Variants in DYRK4 observed in about 807,000 individuals in gnomAD.
The protein encoded by DYRK4 is dual specificity tyrosine-phosphorylation-regulated kinase 4.
DYRK4 carries 64 observed loss-of-function variants against 68.3 expected under a neutral mutation model. The observed-to-expected ratio is 0.94, with a 90% CI of 0.77 to 1.15. The LOEUF (loss-of-function observed/expected upper bound fraction) is 1.15, where lower values mean the gene tolerates loss of function less well. Among genes scored for constraint, DYRK4 ranks in the 50% most tolerant of loss-of-function variants. The pLI is 0.00. For missense variants in DYRK4, 740 were observed against 764.7 expected (o/e 0.97, Z 0.38); for synonymous variants, 274 against 289.9 (o/e 0.95, Z 0.56).
chr12:4,587,145 C>T (rs1006454599), intron 2 of DYRK4, among the ~76,000 whole-genome samples: 3 of 152,170 alleles, frequency 2.0e-5, no homozygotes, highest in South Asian at 2.1e-4. Context: ...CTGTTGCCCA[C>T]GGGATAAAGA....
At chr12:4,605,637 A>G (rs1211569002) in intron 11 of DYRK4, among the ~76,000 whole-genome samples, 1 of 151,956 alleles carries the variant, frequency 6.6e-6, no homozygotes, top group Non-Finnish European at 1.5e-5. Context: ...TTACCATTAA[A>G]ATATATCTGG....
At chr12:4,601,247 T>G (rs972725019) in intron 10 of DYRK4, among the ~76,000 whole-genome samples, 1 of 152,248 alleles carries the variant, frequency 6.6e-6, no homozygotes, top group Non-Finnish European at 1.5e-5. Flanking sequence ...CCATTCACTC[T>G]CACACACTGT....
intron 2 of DYRK4, among the ~76,000 whole-genome samples, chr12:4,586,744 A>G (rs76112241): frequency 6.6e-6 from 1 of 152,088 alleles, no homozygotes; most frequent in Admixed American, 6.5e-5. Context: ...ACACACACAC[A>G]CACCCCTTTG....
At chr12:4,596,402 T>C in intron 7 of DYRK4, 117 bp downstream of exon 7, 3 of 1,542,112 alleles carry the variant, frequency 1.9e-6, no homozygotes, top group Non-Finnish European at 2.6e-6. Context: ...TGTCTTCCCT[T>C]TTCTCTTTCT....
intron 11 of DYRK4, among the ~76,000 whole-genome samples, chr12:4,606,966 T>C (rs1945159425): frequency 1.3e-5 from 2 of 152,244 alleles, no homozygotes; most frequent in South Asian, 4.1e-4. Flanking sequence ...CTTCTCCCTT[T>C]CCAGTGCTCC....
intron 2 of DYRK4, among the ~76,000 whole-genome samples, chr12:4,580,377 G>C (rs1012395780): frequency 1.6e-4 from 25 of 152,180 alleles, no homozygotes; most frequent in Admixed American, 5.9e-4. Context: ...TTTGGAGGCG[G>C]CTCCTCCCCA....
chr12:4,594,513 T>C (rs1226667098), intron 6 of DYRK4, among the ~76,000 whole-genome samples: 1 of 152,162 alleles, frequency 6.6e-6, no homozygotes. Context: ...TGTGAGCCAC[T>C]GCGCCTGGCT....
At position 4,568,092 on chromosome 12, in the gene DYRK4, C is replaced by T. The variant is rs1363510353; in HGVS notation, c.132+44C>T. 5.3e-6 allele frequency: 8 copies of T among 1,501,718 alleles called. No individual in the cohort carries two copies. In the East Asian group the frequency reaches 1.2e-4, roughly 23 times the overall value. 93.0% of individuals were successfully genotyped at this position (1,501,718 alleles called of 1,614,324 possible). On this transcript the variant is annotated intron_variant, in intron 2 of 14. Transcript: ENST00000543431. The stretch of plus-strand genomic sequence containing the variant: ...TCACTGGGGAAGAGAGGTATCATTG[C>T]GAGGTCCTAGGGACTCAGGACCCAG...
chr12:4,603,977 C>G (rs1368995651), intron 10 of DYRK4, among the ~76,000 whole-genome samples: 1 of 152,212 alleles, frequency 6.6e-6, no homozygotes, highest in Non-Finnish European at 1.5e-5. Flanking sequence ...ACTGCCTACT[C>G]TCAAATCCCA....
intron 11 of DYRK4, among the ~76,000 whole-genome samples, chr12:4,605,728 G>GTTTTTTTTTTTTTTTTTTTT (rs780888385): frequency 1.5e-5 from 1 of 68,938 alleles, no homozygotes; most frequent in Non-Finnish European, 2.5e-5. Context: ...AATAGAGCTG[G>GTTTTTTTTTTTTTTTTTTTT]GTTTTTTTTT....
chr12:4,575,322 T>TGTGTGTGTGTGTGTGTGTGTGTG (rs71061193), intron 2 of DYRK4, among the ~76,000 whole-genome samples: 18 of 151,836 alleles, frequency 1.2e-4, no homozygotes, highest in African/African-American at 1.5e-4. Context: ...TGTGTGTGTG[T>TGTGTGTGTGTGTGTGTGTGTGTG]TTTCGAAACG....
At chr12:4,605,159 C>CT in intron 11 of DYRK4, 73 bp downstream of exon 11, 1 of 1,401,674 alleles carries the variant, frequency 7.1e-7, no homozygotes, top group Non-Finnish European at 9.9e-7. Context: ...CTGCACCAGA[C>CT]TCGCCCAGGA....
intron 12 of DYRK4, among the ~76,000 whole-genome samples, chr12:4,608,532 T>C (rs1359157165): frequency 6.6e-6 from 1 of 152,164 alleles, no homozygotes; most frequent in Non-Finnish European, 1.5e-5. Context: ...GTGGGGGTTA[T>C]AATTTGTCTA....
intron 1 of DYRK4, among the ~76,000 whole-genome samples, chr12:4,562,707 G>A (rs1396726182): frequency 6.6e-6 from 1 of 152,160 alleles, no homozygotes; most frequent in Non-Finnish European, 1.5e-5. Context: ...ACGACCACAC[G>A]CCTCGCGTGG....
intron 2 of DYRK4, among the ~76,000 whole-genome samples, chr12:4,587,367 G>T (rs1044777019): frequency 6.6e-6 from 1 of 152,176 alleles, no homozygotes; most frequent in African/African-American, 2.4e-5. Context: ...CTCCTGGGCC[G>T]ATTGCATTCA....
intron 2 of DYRK4, among the ~76,000 whole-genome samples, chr12:4,584,382 G>A (rs1944873613): frequency 6.6e-6 from 1 of 152,160 alleles, no homozygotes. Flanking sequence ...CAGGAGGCAG[G>A]TGTTGCCGGA....
chr12:4,582,042 C>T lies in DYRK4; in HGVS notation c.133-6895C>T, dbSNP rs148703742. Among the ~76,000 whole-genome samples the T allele has an allele frequency of 1.4e-4, 21 of 152,300 alleles. No homozygotes were observed. The East Asian group carries it at 1.9e-3, about 14-fold the overall frequency. Reference sequence around the variant, plus strand: ...TTGTGCATGAAACAAAGTTTGTGCACGTGAGTGGTGTCATTGTCGGCACTC... The same window carrying T: ...TTGTGCATGAAACAAAGTTTGTGCATGTGAGTGGTGTCATTGTCGGCACTC... On this transcript the variant is annotated intron_variant, in intron 2 of 14. Coordinates refer to ENST00000543431, the MANE Select transcript of DYRK4 (RefSeq NM_001394779.1).
At chr12:4,584,379 C>T (rs146545498) in intron 2 of DYRK4, among the ~76,000 whole-genome samples, 1 of 152,126 alleles carries the variant, frequency 6.6e-6, no homozygotes, top group Admixed American at 6.6e-5. Flanking sequence ...AAGCAGGAGG[C>T]AGGTGTTGCC....
At chr12:4,589,102 G>T (rs1944926480) in intron 3 of DYRK4, 85 bp downstream of exon 3, 2 of 1,266,934 alleles carry the variant, frequency 1.6e-6, no homozygotes, top group African/African-American at 1.5e-5. Flanking sequence ...GACAGTTTTG[G>T]CCAATTTATC....
Sources: allele counts gnomAD v4.1 joint callset (sites outside exome capture counted in the v4.1 genomes callset), GRCh38; gene constraint gnomAD v4.1.1; transcripts MANE v1.5; gene names NCBI Gene and HGNC (gene_info 2026-07-23, HGNC 2026-07-21).